Variants in TPPP observed in about 807,000 individuals in gnomAD.
TPPP encodes the protein tubulin polymerization-promoting protein.
TPPP carries 6 observed loss-of-function variants against 15.5 expected under a neutral mutation model. That is an observed-to-expected ratio of 0.39 (90% CI 0.21 to 0.77). The LOEUF is 0.77. Among genes scored for constraint, TPPP ranks in the 30% least tolerant of loss-of-function variants. The probability of loss-of-function intolerance (pLI) is 0.42; values close to 1 mark genes in which losing one functional copy is unlikely to be tolerated. For missense variants in TPPP, 269 were observed against 307.2 expected (o/e 0.88, Z 0.93); for synonymous variants, 146 against 133.9 (o/e 1.09, Z -0.63).
In TPPP at chr5:664,996, A is replaced by T; in HGVS notation, c.*106T>A. On this transcript the variant is annotated 3_prime_UTR_variant, in exon 4 of 4. Transcript: ENST00000360578. ...GCCGCCCCCCAGCCCCCTCTGGGGC[A>T]CCCGTCTGAGTTCTGCCCCAGTTAG... is the stretch of plus-strand genomic sequence containing the variant. 3 of 1,376,294 alleles carry T rather than the reference A, an allele frequency of 2.2e-6. No homozygotes were observed. In the South Asian group the frequency reaches 4.1e-5, roughly 19 times the overall value. 85.3% of individuals were successfully genotyped at this position (1,376,294 alleles called of 1,614,324 possible).
At chr5:688,722 G>A (rs1177834864) in intron 1 of TPPP, among the ~76,000 whole-genome samples, 5 of 134,562 alleles carry the variant, frequency 3.7e-5, no homozygotes, top group East Asian at 2.0e-4. Flanking sequence ...CAGTGGCTCT[G>A]TCCATGGCCC....
At chr5:669,298 C>T (rs1471686475) in intron 2 of TPPP, among the ~76,000 whole-genome samples, 2 of 152,030 alleles carry the variant, frequency 1.3e-5, no homozygotes, top group Non-Finnish European at 2.9e-5. Context: ...GCCGGAGGTG[C>T]CCTGGGCAGC....
At chr5:676,958 C>A (rs62330307) in intron 2 of TPPP, among the ~76,000 whole-genome samples, 195 of 149,718 alleles carry the variant, frequency 1.3e-3, no homozygotes, top group Non-Finnish European at 2.5e-3. Context: ...AACGCGCACA[C>A]GTGCACACAG....
At chr5:679,216 C>A (rs1279626539) in intron 1 of TPPP, among the ~76,000 whole-genome samples, 1 of 151,916 alleles carries the variant, frequency 6.6e-6, no homozygotes, top group Non-Finnish European at 1.5e-5. Flanking sequence ...GCTGCTGACC[C>A]TGAGATCCCA....
At chr5:673,809 A>T (rs1167390873) in intron 2 of TPPP, among the ~76,000 whole-genome samples, 1 of 152,158 alleles carries the variant, frequency 6.6e-6, no homozygotes, top group Non-Finnish European at 1.5e-5. Flanking sequence ...ACAGGCCCAG[A>T]CCAGCTGGGG....
At chr5:678,087 A>C (rs1344128742) in intron 1 of TPPP, 23 bp from the exon 2 acceptor site, 1 of 1,491,070 alleles carries the variant, frequency 6.7e-7, no homozygotes, top group Admixed American at 2.3e-5. Context: ...GAGAGGAGAA[A>C]GGTGTCACCC....
chr5:663,335 C>T lies in TPPP; in HGVS notation c.*1767G>A, dbSNP rs373982180. On this transcript the variant is annotated 3_prime_UTR_variant, in exon 4 of 4. Transcript: ENST00000360578. ...CACAGGGCTGGGCTTGGGCACCCCC[C>T]GCCTTCCCCAGGCCGGTGAGGTGAC... is the stretch of plus-strand genomic sequence containing the variant. 475 of 152,594 alleles carry T rather than the reference C, an allele frequency of 3.1e-3. 2 individuals are homozygous for T. Among genetic ancestry groups the T allele is most frequent in the Non-Finnish European group, 5.6e-3 (383 of 68,106 alleles). 9.5% of individuals were successfully genotyped at this position (152,594 alleles called of 1,614,324 possible). A position where few individuals can be genotyped will look rare whatever the true frequency, so the allele number is the denominator to read the frequency against.
intron 2 of TPPP, among the ~76,000 whole-genome samples, chr5:672,293 T>C (rs369916): frequency 0.71 from 107,999 of 151,742 alleles, 39,737 homozygotes; most frequent in African/African-American, 0.92. Flanking sequence ...GTTCTCAGTC[T>C]CCCACTGGCC....
At chr5:684,616 G>A (rs941146588) in intron 1 of TPPP, among the ~76,000 whole-genome samples, 19 of 152,068 alleles carry the variant, frequency 1.2e-4, no homozygotes, top group Middle Eastern at 3.4e-3. Context: ...CCCTCCTGCC[G>A]AGGAGGTGCT....
upstream of TPPP, among the ~76,000 whole-genome samples, chr5:696,217 C>A (rs1456105673): frequency 7.2e-6 from 1 of 139,332 alleles, no homozygotes; most frequent in African/African-American, 2.6e-5. Flanking sequence ...AGATGCTGGG[C>A]CATCTGGGTC....
chr5:687,128 C>T (rs1425823223), intron 1 of TPPP, among the ~76,000 whole-genome samples: 2 of 133,088 alleles, frequency 1.5e-5, no homozygotes, highest in African/African-American at 5.3e-5. Flanking sequence ...CAACTGGAGC[C>T]ACCAGAAGCT....
intron 2 of TPPP, among the ~76,000 whole-genome samples, chr5:666,390 G>C (rs1046039919): frequency 9.2e-5 from 14 of 152,366 alleles, no homozygotes; most frequent in Non-Finnish European, 1.8e-4. Flanking sequence ...CTGGGGCAGT[G>C]CCGGAGGCCA....
Position 667,082 on chromosome 5 carries a change from A to G in TPPP, c.312-959T>C, listed in dbSNP as rs887360759. On this transcript the variant is annotated intron_variant, in intron 2 of 3. Coordinates refer to ENST00000360578, the MANE Select transcript of TPPP (RefSeq NM_007030.3). ...GGGGACAAATGACCCATAAAACCCC[A>G]GCAAGCCTTTCCAGAAGTCAGTGAG... 4.6e-5 allele frequency: 7 copies of G among 152,354 alleles called. No individual in the cohort carries two copies. In the East Asian group the frequency reaches 1.2e-3, roughly 25 times the overall value. 9.4% of individuals were successfully genotyped at this position (152,354 alleles called of 1,614,324 possible).
intron 2 of TPPP, among the ~76,000 whole-genome samples, chr5:675,222 A>C (rs1253953453): frequency 7.1e-5 from 3 of 42,456 alleles, no homozygotes; most frequent in African/African-American, 1.1e-4. Context: ...CCGGGGGTGC[A>C]GTGTGGCTGG....
chr5:688,753 A>G (rs1740830393), intron 1 of TPPP, among the ~76,000 whole-genome samples: 1 of 132,938 alleles, frequency 7.5e-6, no homozygotes. Context: ...GGCACTGAGA[A>G]GGCAGAGGTG....
intron 2 of TPPP, among the ~76,000 whole-genome samples, chr5:670,259 ATGCCCTCCCATGG>A (rs954871046): frequency 2.4e-4 from 37 of 152,118 alleles, no homozygotes; most frequent in African/African-American, 8.9e-4. Flanking sequence ...TGAATCAGGA[ATGCCCTCCCATGG>A]TGCCCTCTCT....
intron 1 of TPPP, among the ~76,000 whole-genome samples, chr5:682,779 A>G (rs186423825): frequency 7.2e-5 from 11 of 152,360 alleles, no homozygotes; most frequent in African/African-American, 2.2e-4. Flanking sequence ...CAGAGCCTAC[A>G]CGACTGCTCT....
At chr5:678,585 C>T (rs1270614401) in intron 1 of TPPP, among the ~76,000 whole-genome samples, 2 of 137,430 alleles carry the variant, frequency 1.5e-5, no homozygotes, top group Admixed American at 6.6e-5. Context: ...CCGCTCCCTC[C>T]CCACTGCAGA....
At chr5:680,018 G>A (rs1168921021) in intron 1 of TPPP, among the ~76,000 whole-genome samples, 2 of 107,448 alleles carry the variant, frequency 1.9e-5, no homozygotes, top group Non-Finnish European at 3.7e-5. Context: ...GCAGCGAGGA[G>A]TGAAGAGGAG....
Sources: allele counts gnomAD v4.1 joint callset (sites outside exome capture counted in the v4.1 genomes callset), GRCh38; gene constraint gnomAD v4.1.1; transcripts MANE v1.5; gene names NCBI Gene and HGNC (gene_info 2026-07-23, HGNC 2026-07-21).